The following PNCK variants were observed in gnomAD, a reference collection of about 807,000 sequenced individuals.
The protein encoded by PNCK is pregnancy up-regulated nonubiquitous CaM kinase.
Under a neutral mutation model 28.3 loss-of-function variants are expected in PNCK, and 21 were observed. That is an observed-to-expected ratio of 0.74 (90% CI 0.53 to 1.07). The LOEUF (loss-of-function observed/expected upper bound fraction) is 1.07, where lower values mean the gene tolerates loss of function less well. Ranked by LOEUF, PNCK falls within the 50% of genes least tolerant of loss-of-function variation. The probability of loss-of-function intolerance (pLI) is 0.00; values close to 1 mark genes in which losing one functional copy is unlikely to be tolerated. For missense variants in PNCK, 250 were observed against 298.3 expected (o/e 0.84, Z 1.19); for synonymous variants, 136 against 125.2 (o/e 1.09, Z -0.58).
upstream of PNCK, chrX:153,674,020 G>T: frequency 1.7e-6 from 2 of 1,189,113 alleles, no homozygotes; most frequent in Non-Finnish European, 2.3e-6. Context: ...GCTGCGGCCC[G>T]GCTGGGCCGG....
At chrX:153,681,301 C>T (rs781831654) in intron 1 of PNCK, among the ~76,000 whole-genome samples, 30 of 111,490 alleles carry the variant, frequency 2.7e-4, no homozygotes, top group African/African-American at 8.8e-4. Context: ...CTGGGCCTCA[C>T]GGAGCGGCTT....
At chrX:153,673,145 C>T (rs1557040738) in intron 1 of PNCK, 67 bp from the exon 2 acceptor site, 1 of 1,170,974 alleles carries the variant, frequency 8.5e-7, no homozygotes, top group African/African-American at 1.8e-5. Flanking sequence ...GCAGCTTCCT[C>T]CTCCACCCCC....
chrX:153,670,193 C>A lies in PNCK; in HGVS notation c.*8-63G>T, dbSNP rs1157485002. 7 of 420,498 alleles carry A rather than the reference C, an allele frequency of 1.7e-5. No individual in the cohort carries two copies. In the East Asian group the frequency reaches 2.4e-4, roughly 15 times the overall value. The allele number at this position is 420,498 out of a possible 1,213,427, so 34.7% of individuals were successfully genotyped here. ...AGCCGGCCTGCCAGCCCTGTGCCCC[C>A]ACCCCCCGCCTCGGTCAAATCCCGG... is the stretch of plus-strand genomic sequence containing the variant. On this transcript the variant is annotated intron_variant, in intron 11 of 11. Transcript: ENST00000340888.
At chrX:153,670,635 G>GCCCCAGC in intron 10 of PNCK, 41 bp from the exon 11 acceptor site, 1 of 1,195,327 alleles carries the variant, frequency 8.4e-7, no homozygotes, top group Non-Finnish European at 1.1e-6. Flanking sequence ...CTGGGCCCAG[G>GCCCCAGC]CCCCAGCCCC....
Position 153,672,574 on chromosome X carries a change from C to T in PNCK, c.192G>A (p.Val64=). 3.3e-6 allele frequency: 4 copies of T among 1,206,564 alleles called. No homozygotes were observed. Among genetic ancestry groups the T allele is most frequent in the Non-Finnish European group, 4.5e-6 (4 of 895,234 alleles). The change falls in exon 3 of 12, where the codon GTG becomes GTA. Residue 64 remains valine, a synonymous_variant. Coordinates refer to ENST00000340888, the MANE Select transcript of PNCK (RefSeq NM_001366977.1). Reference sequence around the variant, plus strand: ...CCCCGCGAGGTGCGCACCTACGGAGCACTGCGATCTCGTTCTCCACCAGGG... The same window carrying T: ...CCCCGCGAGGTGCGCACCTACGGAGTACTGCGATCTCGTTCTCCACCAGGG... The part of the protein sequence containing the change: ...KEALVENEIA[V]LRRISHPNIV...
At position 153,672,512 on chromosome X, in the gene PNCK, C is replaced by T. The variant is rs115707299; in HGVS notation, c.200+54G>A. 5,991 of 1,179,967 alleles carry T rather than the reference C, an allele frequency of 5.1e-3. 195 individuals are homozygous for T. The African/African-American group carries it at 0.089, about 17-fold the overall frequency. On this transcript the variant is annotated intron_variant, in intron 3 of 11. Transcript: ENST00000340888. The stretch of plus-strand genomic sequence containing the variant: ...AGGCCTGGACTAGAGCCAAGGACTG[C>T]TTGCACCCCCCCATCGACCTATGCC...
chrX:153,687,069 T>C (rs1286846011), intron 1 of PNCK: 1 of 150,137 alleles, frequency 6.7e-6, no homozygotes, highest in Admixed American at 7.9e-5. Context: ...TAGAAAATTC[T>C]AAACAAGCTG....
chrX:153,670,539 G>C lies in PNCK; in HGVS notation c.950C>G (p.Pro317Arg). 8.3e-7 allele frequency: 1 copy of C among 1,210,930 alleles called. No individual in the cohort carries two copies. Among genetic ancestry groups the C allele is most frequent in the Non-Finnish European group, 1.1e-6 (1 of 895,311 alleles). ...LRHIRKLGQIPEGEGASEQGM... is the reference protein window; with the variant it reads ...LRHIRKLGQIREGEGASEQGM... The stretch of plus-strand genomic sequence containing the variant: ...CTGCTCAGAGGCCCCCTCGCCCTCT[G>C]GGATCTGCCCCAGCTTCCGGATGTG... The change falls in exon 11 of 12, where the codon CCA (proline) becomes CGA (arginine). Residue 317 changes from proline (P) to arginine (R), a missense_variant. Pro to Arg is a moderately radical substitution (Grantham distance 103). Coordinates refer to ENST00000340888, the MANE Select transcript of PNCK (RefSeq NM_001366977.1).
chrX:153,679,716 C>A (rs1557042222), upstream of PNCK, among the ~76,000 whole-genome samples: 1 of 107,756 alleles, frequency 9.3e-6, no homozygotes, highest in Non-Finnish European at 1.9e-5. Context: ...GGATTACAGG[C>A]ACCCGTCACC....
chrX:153,681,691 AC>A (rs782145282), intron 1 of PNCK, among the ~76,000 whole-genome samples: 11 of 112,421 alleles, frequency 9.8e-5, no homozygotes. Flanking sequence ...GGCTTTAGAT[AC>A]TAACAGTGTT....
In PNCK at chrX:153,670,754, G is replaced by A. The variant is rs1557039431; in HGVS notation, c.884C>T (p.Thr295Ile). The A allele has an allele frequency of 8.3e-7, 1 of 1,207,767 alleles. No individual in the cohort carries two copies. Among genetic ancestry groups the A allele is most frequent in the Non-Finnish European group, 1.1e-6 (1 of 893,238 alleles). ...SEQIRKNFAR[T>I]HWKRAFNATS... ...TCTCTCCACACTGACCTTCCAGTGT[G>A]TCCGAGCAAAGTTCTTCCGGATCTG... is the stretch of plus-strand genomic sequence containing the variant. Residue 295 changes from threonine (T) to isoleucine (I), a missense_variant, in exon 10 of 12, where the codon ACA (threonine) becomes ATA (isoleucine). By Grantham distance (89) the Thr-to-Ile change is moderately conservative. Transcript: ENST00000340888.
chrX:153,684,735 C>T (rs2091410080), intron 1 of PNCK, among the ~76,000 whole-genome samples: 2 of 105,300 alleles, frequency 1.9e-5, no homozygotes, highest in Admixed American at 2.0e-4. Context: ...CTCCCCGGTC[C>T]GCAGCTGCCC....
At chrX:153,670,623 G>C in intron 10 of PNCK, 29 bp from the exon 11 acceptor site, 1 of 1,201,584 alleles carries the variant, frequency 8.3e-7, no homozygotes, top group Non-Finnish European at 1.1e-6. Context: ...ATCAGGCCAG[G>C]CCTGGGCCCA....
rs1557039695 is a variant in PNCK at position 153,671,242 on chromosome X, G to A, written c.614+43C>T. ...CTGTCCCACCCTCCCCAACCCAGCA[G>A]GGGCAGGCAGGCAGGAGACAAGCCT... On this transcript the variant is annotated intron_variant, in intron 7 of 11. Coordinates refer to ENST00000340888, the MANE Select transcript of PNCK (RefSeq NM_001366977.1). 4 of 1,191,781 alleles carry A rather than the reference G, an allele frequency of 3.4e-6. No homozygotes were observed. The South Asian group carries it at 5.3e-5, about 16-fold the overall frequency.
rs141684581 is a variant in PNCK, at chrX:153,671,148, C to T, written c.657G>A (p.Glu219=). 8.3e-7 allele frequency: 1 copy of T among 1,211,718 alleles called. No homozygotes were observed. Among genetic ancestry groups the T allele is most frequent in the Non-Finnish European group, 1.1e-6 (1 of 895,512 alleles). The stretch of plus-strand genomic sequence containing the variant: ...TGGCCCTCAGGATCTGGCTGAAGAG[C>T]TCAGGGTCGCTCTCGTCGTAGAAGG... ...YPPFYDESDP[E]LFSQILRASY... Residue 219 remains glutamate (E), a synonymous_variant, in exon 8 of 12, where the codon GAG becomes GAA. Coordinates refer to ENST00000340888, the MANE Select transcript of PNCK (RefSeq NM_001366977.1).
At chrX:153,681,459 G>C (rs1255360003) in intron 1 of PNCK, among the ~76,000 whole-genome samples, 1 of 111,600 alleles carries the variant, frequency 9.0e-6, no homozygotes, top group Non-Finnish European at 1.9e-5. Context: ...TCACCCCTGA[G>C]GCCCACCTGA....
At chrX:153,680,215 C>T (rs927675248) in intron 1 of PNCK, among the ~76,000 whole-genome samples, 6 of 108,462 alleles carry the variant, frequency 5.5e-5, no homozygotes, top group Non-Finnish European at 1.1e-4. Flanking sequence ...AACTATAATC[C>T]CCAATGTTCA....
intron 3 of PNCK, 104 bp from the exon 4 acceptor site, chrX:153,672,304 T>C: frequency 1.1e-6 from 1 of 921,595 alleles, no homozygotes; most frequent in Non-Finnish European, 1.5e-6. Flanking sequence ...CCACCTCTGC[T>C]CCCCATTCCC....
chrX:153,682,203 G>A (rs1028026755), intron 1 of PNCK, among the ~76,000 whole-genome samples: 56 of 111,369 alleles, frequency 5.0e-4, no homozygotes, highest in African/African-American at 1.6e-3. Flanking sequence ...TGGCCAGGCT[G>A]GTCTCTAACT....
Sources: allele counts gnomAD v4.1 joint callset (sites outside exome capture counted in the v4.1 genomes callset), GRCh38; gene constraint gnomAD v4.1.1; transcripts MANE v1.5; gene names NCBI Gene and HGNC (gene_info 2026-07-23, HGNC 2026-07-21).